Variants in TNR observed in about 807,000 individuals in gnomAD.
The protein encoded by TNR is tenascin R, also known as tenascin-R.
TNR carries 45 observed loss-of-function variants against 150.4 expected under a neutral mutation model. The observed-to-expected ratio is 0.30, with a 90% CI of 0.24 to 0.38. The LOEUF (loss-of-function observed/expected upper bound fraction) is 0.38, where lower values mean the gene tolerates loss of function less well. TNR is among the 10% of genes least tolerant of loss of function. The pLI is 1.00. For synonymous variants in TNR, 687 were observed against 678.4 expected, an observed-to-expected ratio of 1.01 and a Z score of -0.20; for missense variants, 1,544 against 1,759.1, an observed-to-expected ratio of 0.88 and a Z score of 2.19.
intron 1 of TNR, among the ~76,000 whole-genome samples, chr1:175,562,345 A>G (rs1571611031): frequency 6.6e-6 from 1 of 152,244 alleles, no homozygotes; most frequent in Non-Finnish European, 1.5e-5. Flanking sequence ...AGACACATTT[A>G]TATGCCCAAG....
chr1:175,429,250 T>A (rs1327608062), intron 2 of TNR, among the ~76,000 whole-genome samples: 1 of 152,188 alleles, frequency 6.6e-6, no homozygotes. Flanking sequence ...CAAACATGAT[T>A]TGTGAATCAT....
At chr1:175,566,008 C>T (rs1661627793) in intron 1 of TNR, among the ~76,000 whole-genome samples, 1 of 152,090 alleles carries the variant, frequency 6.6e-6, no homozygotes, top group South Asian at 2.1e-4. Flanking sequence ...AAAGAAAAGA[C>T]AAGACAATCA....
chr1:175,631,609 T>C (rs1463555176), intron 1 of TNR, among the ~76,000 whole-genome samples: 3 of 152,194 alleles, frequency 2.0e-5, no homozygotes, highest in East Asian at 1.9e-4. Context: ...GGCCTATATA[T>C]TGGGGGTCAG....
At chr1:175,513,040 A>C (rs1227080964) in intron 2 of TNR, among the ~76,000 whole-genome samples, 1 of 152,218 alleles carries the variant, frequency 6.6e-6, no homozygotes, top group Non-Finnish European at 1.5e-5. Context: ...CACCTACTGA[A>C]TCTGAATCGC....
At chr1:175,606,294 T>C (rs989002338) in intron 1 of TNR, among the ~76,000 whole-genome samples, 1 of 152,150 alleles carries the variant, frequency 6.6e-6, no homozygotes, top group Admixed American at 6.5e-5. Flanking sequence ...CTCAGTGGGC[T>C]GGCTGGGACT....
intron 1 of TNR, among the ~76,000 whole-genome samples, chr1:175,550,731 A>T (rs191010651): frequency 2.1e-4 from 32 of 152,302 alleles, no homozygotes; most frequent in Non-Finnish European, 3.4e-4. Context: ...TATAGAAAAA[A>T]ATCAAAACAA....
chr1:175,471,906 T>C (rs914601844), intron 2 of TNR, among the ~76,000 whole-genome samples: 12 of 152,242 alleles, frequency 7.9e-5, no homozygotes, highest in African/African-American at 2.9e-4. Context: ...TTTTCTTTTT[T>C]AGATCCCCAT....
chr1:175,367,271 C>G lies in TNR; in HGVS notation c.1990G>C (p.Val664Leu), dbSNP rs772190009. 1.2e-6 allele frequency: 2 copies of G among 1,614,188 alleles called. No homozygotes were observed. ...TDLVPGTEYGVGISAVMNSQQ... is the reference protein window; with the variant it reads ...TDLVPGTEYGLGISAVMNSQQ... ...GAGTTCATGACGGCAGATATTCCAA[C>G]TCCATACTCAGTGCCAGGTACCAGA... The change falls in exon 10 of 23, where the codon GTT (valine) becomes CTT (leucine). Residue 664 changes from valine (V) to leucine (L), a missense_variant. Transcript: ENST00000367674.
intron 2 of TNR, among the ~76,000 whole-genome samples, chr1:175,433,633 C>T (rs1436849371): frequency 6.6e-6 from 1 of 152,118 alleles, no homozygotes; most frequent in Non-Finnish European, 1.5e-5. Flanking sequence ...TTATGAGATG[C>T]CTTTGACTCT....
At chr1:175,498,247 C>T (rs1658573913) in intron 2 of TNR, among the ~76,000 whole-genome samples, 1 of 152,164 alleles carries the variant, frequency 6.6e-6, no homozygotes, top group Admixed American at 6.5e-5. Flanking sequence ...AGCAGCTGCC[C>T]CACTACAGGC....
At chr1:175,660,630 G>A (rs755010330) in intron 1 of TNR, among the ~76,000 whole-genome samples, 9 of 152,224 alleles carry the variant, frequency 5.9e-5, no homozygotes, top group Non-Finnish European at 1.3e-4. Context: ...ATATTTATGG[G>A]ACTCACAAAA....
intron 18 of TNR, among the ~76,000 whole-genome samples, chr1:175,340,695 G>A (rs1289037263): frequency 6.6e-6 from 1 of 152,216 alleles, no homozygotes; most frequent in African/African-American, 2.4e-5. Flanking sequence ...AGACCAGCTA[G>A]ATTTGAACCT....
intron 2 of TNR, among the ~76,000 whole-genome samples, chr1:175,417,728 C>G (rs1466813664): frequency 6.6e-6 from 1 of 152,092 alleles, no homozygotes; most frequent in African/African-American, 2.4e-5. Context: ...CATCCACATC[C>G]AGAATACCAG....
intron 2 of TNR, among the ~76,000 whole-genome samples, chr1:175,517,283 C>A (rs746025540): frequency 6.6e-6 from 1 of 152,174 alleles, no homozygotes; most frequent in Non-Finnish European, 1.5e-5. Flanking sequence ...TGCTGCCTAT[C>A]GCCATAGTGG....
chr1:175,615,216 T>G (rs911326341), intron 1 of TNR, among the ~76,000 whole-genome samples: 2 of 152,204 alleles, frequency 1.3e-5, no homozygotes, highest in African/African-American at 4.8e-5. Context: ...CCAAATTCTA[T>G]TTTTAACTGG....
In TNR at chr1:175,323,206, G is replaced by T; in HGVS notation, c.*151C>A. 2 of 1,019,164 alleles carry T rather than the reference G, an allele frequency of 2.0e-6. No homozygotes were observed. The highest frequency in any genetic ancestry group is 2.8e-6 in the Non-Finnish European group (2 of 724,288). 63.1% of individuals were successfully genotyped at this position (1,019,164 alleles called of 1,614,324 possible). A position where few individuals can be genotyped will look rare whatever the true frequency, so the allele number is the denominator to read the frequency against. On this transcript the variant is annotated 3_prime_UTR_variant, in exon 23 of 23. Coordinates refer to ENST00000367674, the MANE Select transcript of TNR (RefSeq NM_003285.3). ...AGGGCAGCAGAAACCAAGAGCAGAT[G>T]TTAGCCAGCGGATTCCTGCGACATC...
At chr1:175,414,782 G>C (rs1654363211) in intron 2 of TNR, among the ~76,000 whole-genome samples, 1 of 152,184 alleles carries the variant, frequency 6.6e-6, no homozygotes, top group African/African-American at 2.4e-5. Flanking sequence ...GACCTCCTCT[G>C]ACTTTTGAGG....
intron 2 of TNR, among the ~76,000 whole-genome samples, chr1:175,496,088 C>T (rs1658478530): frequency 6.6e-6 from 1 of 152,090 alleles, no homozygotes; most frequent in Admixed American, 6.5e-5. Context: ...CATTGTTTCT[C>T]TATATAGAGA....
chr1:175,534,154 A>C (rs1413567325), intron 1 of TNR, among the ~76,000 whole-genome samples: 38 of 152,230 alleles, frequency 2.5e-4, no homozygotes, highest in Non-Finnish European at 1.8e-4. Flanking sequence ...CACAAGAGCA[A>C]TGGACCATCC....
Sources: allele counts gnomAD v4.1 joint callset (sites outside exome capture counted in the v4.1 genomes callset), GRCh38; gene constraint gnomAD v4.1.1; transcripts MANE v1.5; gene names NCBI Gene and HGNC (gene_info 2026-07-23, HGNC 2026-07-21).